Variants in HIPK2 observed in about 807,000 individuals in gnomAD.
HIPK2 encodes the protein homeodomain-interacting protein kinase 2.
A neutral mutation model predicts 113.7 loss-of-function variants in HIPK2; 27 were observed. That is an observed-to-expected ratio of 0.24 (90% CI 0.17 to 0.33). The LOEUF (loss-of-function observed/expected upper bound fraction) is 0.33. Ranked by LOEUF, HIPK2 falls within the 10% of genes least tolerant of loss-of-function variation. The pLI is 1.00. For missense variants in HIPK2, 1,257 were observed against 1,588.0 expected (o/e 0.79, Z 3.54); for synonymous variants, 631 against 642.2 (o/e 0.98, Z 0.26).
At chr7:139,575,415 A>G in intron 13 of HIPK2, 127 bp from the exon 14 acceptor site, 1 of 1,108,406 alleles carries the variant, frequency 9.0e-7, no homozygotes, top group Non-Finnish European at 1.3e-6. Flanking sequence ...GTAACAAATC[A>G]GCCTCATCTC....
At chr7:139,647,427 A>G (rs1293003866) in intron 2 of HIPK2, among the ~76,000 whole-genome samples, 1 of 152,182 alleles carries the variant, frequency 6.6e-6, no homozygotes, top group Non-Finnish European at 1.5e-5. Context: ...AAGAAGTGAA[A>G]ACTGGGATTT....
At chr7:139,590,800 A>G (rs964099935) in intron 12 of HIPK2, among the ~76,000 whole-genome samples, 3 of 151,678 alleles carry the variant, frequency 2.0e-5, no homozygotes, top group Non-Finnish European at 4.4e-5. Context: ...ATTAGAGAGA[A>G]AAAAAAAATC....
At chr7:139,647,934 C>T (rs1053376365) in intron 2 of HIPK2, among the ~76,000 whole-genome samples, 1 of 152,210 alleles carries the variant, frequency 6.6e-6, no homozygotes, top group Non-Finnish European at 1.5e-5. Flanking sequence ...GTAAGTAGGT[C>T]TTTGTATGGT....
chr7:139,635,955 C>T (rs567986049), intron 2 of HIPK2, among the ~76,000 whole-genome samples: 7 of 152,336 alleles, frequency 4.6e-5, no homozygotes, highest in Non-Finnish European at 8.8e-5. Context: ...TCTCAGCTCC[C>T]CTTCAAGGCC....
chr7:139,595,173 C>CT (rs1430836731), intron 12 of HIPK2, among the ~76,000 whole-genome samples: 5 of 152,168 alleles, frequency 3.3e-5, no homozygotes, highest in African/African-American at 9.7e-5. Context: ...ATTGCTTTTG[C>CT]TTTTTTCCAT....
At chr7:139,703,837 C>CT (rs1794790142) in intron 2 of HIPK2, among the ~76,000 whole-genome samples, 1 of 127,650 alleles carries the variant, frequency 7.8e-6, no homozygotes, top group Admixed American at 8.1e-5. Context: ...ATACACCTCC[C>CT]CCACACCCAC....
At position 139,673,293 on chromosome 7, in the gene HIPK2, CATA is replaced by C. The variant is rs1802370249; in HGVS notation, c.1104-41571_1104-41569del. 2.6e-5 allele frequency among the ~76,000 whole-genome samples: 4 copies of C among 152,208 alleles called. No individual in the cohort carries two copies. The South Asian group carries it at 6.2e-4, about 24-fold the overall frequency. On this transcript the variant is annotated intron_variant, in intron 2 of 14. Transcript: ENST00000406875. ...TGAAGGAGTGTGTTGGCTAGCAACA[CATA>C]ATGAGAGTAGGGGCAGGCTTCTGAC...
intron 4 of HIPK2, among the ~76,000 whole-genome samples, chr7:139,629,476 A>C (rs1299509805): frequency 2.0e-5 from 3 of 152,230 alleles, no homozygotes; most frequent in Non-Finnish European, 2.9e-5. Context: ...ACATTTATTC[A>C]TTTAATAGTT....
intron 2 of HIPK2, among the ~76,000 whole-genome samples, chr7:139,671,126 C>CCTT (rs1802276162): frequency 6.6e-6 from 1 of 152,110 alleles, no homozygotes; most frequent in Admixed American, 6.5e-5. Flanking sequence ...AAAAATAACA[C>CCTT]TTTAAAACTC....
At chr7:139,649,269 G>A (rs1801366982) in intron 2 of HIPK2, among the ~76,000 whole-genome samples, 1 of 152,152 alleles carries the variant, frequency 6.6e-6, no homozygotes, top group African/African-American at 2.4e-5. Context: ...CGGGGGGCGG[G>A]CCGATGCAGC....
intron 14 of HIPK2, among the ~76,000 whole-genome samples, 170 bp from the exon 15 acceptor site, chr7:139,573,567 C>T (rs1190743651): frequency 6.6e-6 from 1 of 152,112 alleles, no homozygotes; most frequent in Non-Finnish European, 1.5e-5. Context: ...TGGGACCTGG[C>T]GCAGTGGCTC....
chr7:139,652,000 T>G (rs1340094471), intron 2 of HIPK2, among the ~76,000 whole-genome samples: 1 of 152,186 alleles, frequency 6.6e-6, no homozygotes, highest in Non-Finnish European at 1.5e-5. Flanking sequence ...GCGCCATAAC[T>G]CAGTGAATAT....
At chr7:139,682,090 C>T (rs1401063403) in intron 2 of HIPK2, among the ~76,000 whole-genome samples, 1 of 152,200 alleles carries the variant, frequency 6.6e-6, no homozygotes, top group African/African-American at 2.4e-5. Flanking sequence ...GTGGCTACTG[C>T]CCCAGCTTCT....
chr7:139,592,748 A>G (rs1383100920), intron 12 of HIPK2, among the ~76,000 whole-genome samples: 2 of 152,248 alleles, frequency 1.3e-5, no homozygotes, highest in Non-Finnish European at 2.9e-5. Context: ...AGACAATTAA[A>G]TGCTTTTCTA....
intron 2 of HIPK2, among the ~76,000 whole-genome samples, chr7:139,674,351 TA>T (rs1179803561): frequency 6.6e-6 from 1 of 152,166 alleles, no homozygotes; most frequent in East Asian, 1.9e-4. Context: ...CATAAAGCAA[TA>T]AGAAAAATTA....
At position 139,561,655 on chromosome 7, in the gene HIPK2, A is replaced by G. The variant is rs951791615; in HGVS notation, c.*11272T>C. On this transcript the variant is annotated 3_prime_UTR_variant, in exon 15 of 15. Coordinates refer to ENST00000406875, the MANE Select transcript of HIPK2 (RefSeq NM_022740.5). Reference sequence around the variant, plus strand: ...ATATACAATATGCATATGTGAGTTTACAAATTTTAATTAATAAGTCATTTC... The same window carrying G: ...ATATACAATATGCATATGTGAGTTTGCAAATTTTAATTAATAAGTCATTTC... 3 of 152,242 alleles carry G rather than the reference A, an allele frequency of 2.0e-5. No homozygotes were observed. Among genetic ancestry groups the G allele is most frequent in the African/African-American group, 7.2e-5 (3 of 41,462 alleles). 9.4% of individuals were successfully genotyped at this position (152,242 alleles called of 1,614,324 possible).
intron 2 of HIPK2, among the ~76,000 whole-genome samples, chr7:139,655,901 C>G (rs1801650758): frequency 6.6e-6 from 1 of 152,082 alleles, no homozygotes; most frequent in Non-Finnish European, 1.5e-5. Flanking sequence ...AGACTCGTGC[C>G]AGGGAAGCTG....
chr7:139,639,720 G>A (rs551301836), intron 2 of HIPK2, among the ~76,000 whole-genome samples: 1 of 152,134 alleles, frequency 6.6e-6, no homozygotes, highest in South Asian at 2.1e-4. Context: ...TATCTCCAGC[G>A]CCTAGCACGC....
chr7:139,570,082 T>G lies in HIPK2; in HGVS notation c.*2845A>C, dbSNP rs971682856. Reference sequence around the variant, plus strand: ...TGAAAAGAACATTTTAAGCTGTCTTTCCCCCTAAAAGATCAGATCTAGAAA... The same window carrying G: ...TGAAAAGAACATTTTAAGCTGTCTTGCCCCCTAAAAGATCAGATCTAGAAA... On this transcript the variant is annotated 3_prime_UTR_variant, in exon 15 of 15. Transcript: ENST00000406875. 2.6e-5 allele frequency: 4 copies of G among 152,112 alleles called. No homozygotes were observed. Among genetic ancestry groups the G allele is most frequent in the Non-Finnish European group, 4.4e-5 (3 of 68,022 alleles). 9.4% of individuals were successfully genotyped at this position (152,112 alleles called of 1,614,324 possible).
Sources: gnomAD v4.1 joint callset for allele counts (sites outside exome capture counted in the v4.1 genomes callset) on GRCh38, gnomAD v4.1.1 for gene constraint, MANE v1.5 for transcripts, NCBI Gene and HGNC (gene_info 2026-07-23, HGNC 2026-07-21) for gene names.